The following TPD52 variants were observed in gnomAD, a reference collection of about 807,000 sequenced individuals.
The protein encoded by TPD52 is tumor protein D52, also known as prostate and colon associated protein.
In TPD52, 17 loss-of-function variants were observed where a neutral mutation model predicts 31.3. The ratio of observed to expected loss-of-function variants is 0.54; its 90% confidence interval spans 0.37 to 0.82. The LOEUF is 0.82. TPD52 is among the 40% of genes least tolerant of loss of function. TPD52 has a pLI of 0.00. For synonymous variants in TPD52, 83 were observed against 89.6 expected (o/e 0.93, Z 0.42); for missense variants, 212 against 240.1 (o/e 0.88, Z 0.77).
intron 1 of TPD52, among the ~76,000 whole-genome samples, chr8:80,116,017 T>C (rs113855842): frequency 3.1e-4 from 47 of 152,232 alleles, no homozygotes; most frequent in African/African-American, 1.1e-3. Flanking sequence ...GAAAAATAAA[T>C]GTAAATAGTG....
intron 1 of TPD52, among the ~76,000 whole-genome samples, chr8:80,169,359 C>T (rs1387224219): frequency 6.6e-6 from 1 of 152,154 alleles, no homozygotes; most frequent in Admixed American, 6.5e-5. Flanking sequence ...TTCTTTCATT[C>T]GGAGCAGAGT....
At chr8:80,171,009 G>A (rs1243555772) in intron 1 of TPD52, 3 of 428,758 alleles carry the variant, frequency 7.0e-6, no homozygotes, top group Non-Finnish European at 1.3e-5. Flanking sequence ...GAGGGAGAGA[G>A]GGGTTTCCCA....
chr8:80,088,796 G>A (rs767786628), intron 1 of TPD52, among the ~76,000 whole-genome samples: 4 of 152,176 alleles, frequency 2.6e-5, no homozygotes, highest in Non-Finnish European at 4.4e-5. Context: ...CTAGTAAGAA[G>A]AGACACTAGG....
At chr8:80,051,478 T>C (rs747720848) in intron 4 of TPD52, 49 bp downstream of exon 4, 4 of 1,551,878 alleles carry the variant, frequency 2.6e-6, no homozygotes, top group Non-Finnish European at 3.6e-6. Context: ...AACAATAACA[T>C]TTTAATTTGC....
rs951437992 is a variant in TPD52, at chr8:80,171,517, C to T, written c.-74G>A. ...CCGTCCCGGCTCGGATCGCCCGCCG[C>T]GCCGCGCAGAGCTCCTCCTCGCCTC... On this transcript the variant is annotated 5_prime_UTR_variant, in exon 1 of 8. Transcript: ENST00000518937. 4 of 1,494,462 alleles carry T rather than the reference C, an allele frequency of 2.7e-6. No homozygotes were observed. In the African/African-American group the frequency reaches 4.4e-5, roughly 16 times the overall value. 92.6% of individuals were successfully genotyped at this position (1,494,462 alleles called of 1,614,324 possible). A position where few individuals can be genotyped will look rare whatever the true frequency, so the allele number is the denominator to read the frequency against.
intron 1 of TPD52, among the ~76,000 whole-genome samples, chr8:80,099,399 A>G (rs886752850): frequency 1.3e-5 from 2 of 152,242 alleles, no homozygotes; most frequent in Non-Finnish European, 2.9e-5. Context: ...AATGTTTTGA[A>G]TATCTGGCCA....
intron 1 of TPD52, among the ~76,000 whole-genome samples, chr8:80,157,753 C>G (rs982506662): frequency 6.6e-6 from 1 of 152,154 alleles, no homozygotes; most frequent in East Asian, 1.9e-4. Context: ...ATCATACCAC[C>G]CAGGGAAAGT....
At chr8:80,057,965 A>G (rs1184814357) in intron 2 of TPD52, among the ~76,000 whole-genome samples, 1 of 152,186 alleles carries the variant, frequency 6.6e-6, no homozygotes, top group Non-Finnish European at 1.5e-5. Flanking sequence ...ATCAATCATA[A>G]TAGCACCTGC....
chr8:80,099,079 T>G (rs1806539691), intron 1 of TPD52, among the ~76,000 whole-genome samples: 1 of 152,196 alleles, frequency 6.6e-6, no homozygotes, highest in Non-Finnish European at 1.5e-5. Context: ...TTAGACATAA[T>G]GCCTATTGTG....
chr8:80,042,736 T>G, intron 6 of TPD52, 68 bp from the exon 7 acceptor site: 1 of 1,392,942 alleles, frequency 7.2e-7, no homozygotes, highest in Non-Finnish European at 1.0e-6. Context: ...AGTTTGAAAA[T>G]ATAATTGATT....
intron 1 of TPD52, chr8:80,158,641 T>G (rs1444192338): frequency 6.7e-6 from 1 of 149,968 alleles, no homozygotes; most frequent in East Asian, 1.9e-4. Context: ...AAACCCTGTC[T>G]CAAAAAAAAA....
chr8:80,080,951 A>G (rs1269779492), intron 1 of TPD52: 1 of 172,576 alleles, frequency 5.8e-6, no homozygotes, highest in Non-Finnish European at 1.2e-5. Flanking sequence ...CCAGTCAGTA[A>G]TCTCCCACAA....
At chr8:80,171,206 C>G (rs760762377) in intron 1 of TPD52, 1 of 705,450 alleles carries the variant, frequency 1.4e-6, no homozygotes, top group Non-Finnish European at 2.6e-6. Context: ...CGCACACTCA[C>G]ACTCACACAT....
chr8:80,126,362 G>GTT (rs779307059), intron 1 of TPD52, among the ~76,000 whole-genome samples: 21 of 131,862 alleles, frequency 1.6e-4, no homozygotes, highest in African/African-American at 4.8e-4. Context: ...ACTCATTGAG[G>GTT]TTTTTTTTTT....
chr8:80,138,407 T>A (rs115128855), intron 1 of TPD52, among the ~76,000 whole-genome samples: 3,166 of 152,278 alleles, frequency 0.021, 115 homozygotes, highest in African/African-American at 0.073. Flanking sequence ...ATGGGGTTCA[T>A]ATCATTTAGT....
intron 1 of TPD52, among the ~76,000 whole-genome samples, chr8:80,107,523 G>C (rs1427047644): frequency 6.6e-6 from 1 of 152,134 alleles, no homozygotes; most frequent in Non-Finnish European, 1.5e-5. Context: ...CTTTTAATAA[G>C]TGACTCAAAC....
chr8:80,052,563 C>T (rs902984486), intron 3 of TPD52: 24 of 1,241,852 alleles, frequency 1.9e-5, no homozygotes, highest in Non-Finnish European at 2.5e-5. Context: ...TGCAGTTGGC[C>T]TCACTTCTGA....
intron 1 of TPD52, among the ~76,000 whole-genome samples, chr8:80,065,263 A>ATC (rs5892702): frequency 1.1e-5 from 1 of 94,690 alleles, no homozygotes; most frequent in East Asian, 4.7e-4. Flanking sequence ...GATTATATCT[A>ATC]TCTATATATA....
intron 1 of TPD52, among the ~76,000 whole-genome samples, chr8:80,114,149 G>A (rs1240944626): frequency 1.3e-5 from 2 of 152,096 alleles, no homozygotes; most frequent in African/African-American, 2.4e-5. Flanking sequence ...TGAGGTGGGG[G>A]AATTGCTTGA....
Sources: allele counts gnomAD v4.1 joint callset (sites outside exome capture counted in the v4.1 genomes callset), GRCh38; gene constraint gnomAD v4.1.1; transcripts MANE v1.5; gene names NCBI Gene and HGNC (gene_info 2026-07-23, HGNC 2026-07-21).